The following MYT1 variants were observed in gnomAD, a reference collection of about 807,000 sequenced individuals.
MYT1 encodes the protein myelin transcription factor 1.
Under a neutral mutation model 123.0 loss-of-function variants are expected in MYT1, and 23 were observed. That is an observed-to-expected ratio of 0.19 (90% CI 0.13 to 0.26). The LOEUF (loss-of-function observed/expected upper bound fraction) is 0.26. Ranked by LOEUF, MYT1 falls within the 10% of genes least tolerant of loss-of-function variation. The pLI is 1.00. For missense variants in MYT1, 1,125 were observed against 1,472.5 expected (o/e 0.76, Z 3.86); for synonymous variants, 518 against 575.3 (o/e 0.90, Z 1.43).
intron 1 of MYT1, among the ~76,000 whole-genome samples, chr20:64,172,973 C>T (rs1303253191): frequency 2.6e-5 from 4 of 152,090 alleles, no homozygotes; most frequent in African/African-American, 9.7e-5. Context: ...AAGTGATCCA[C>T]CCACCTCGGC....
At position 64,205,643 on chromosome 20, in the gene MYT1, G is replaced by A. The variant is rs771168004; in HGVS notation, c.240G>A (p.Lys80=). The part of the protein sequence containing the change: ...LVSKRKSHPL[K]LALDEGYGVD... ...CCAAGAGGAAGTCACACCCCCTGAAGCTGGCTCTGGACGAGGGCTATGGTG... is the reference window on the plus strand; with the variant it reads ...CCAAGAGGAAGTCACACCCCCTGAAACTGGCTCTGGACGAGGGCTATGGTG... The change falls in exon 6 of 23, where the codon AAG becomes AAA. Residue 80 remains lysine, a synonymous_variant. Transcript: ENST00000328439. 1 of 1,614,252 alleles carries A rather than the reference G, an allele frequency of 6.2e-7. No individual in the cohort carries two copies. The highest frequency in any genetic ancestry group is 8.5e-7 in the Non-Finnish European group (1 of 1,180,044).
intron 3 of MYT1, among the ~76,000 whole-genome samples, 197 bp downstream of exon 3, chr20:64,199,113 A>C (rs1224323810): frequency 6.6e-6 from 1 of 152,252 alleles, no homozygotes; most frequent in Non-Finnish European, 1.5e-5. Flanking sequence ...TTTGGCCCAG[A>C]TGAACCTGCC....
At position 64,211,380 on chromosome 20, in the gene MYT1, T is replaced by C. The variant is rs753265343; in HGVS notation, c.1426+40T>C. 27 of 1,578,556 alleles carry C rather than the reference T, an allele frequency of 1.7e-5. No homozygotes were observed. In the East Asian group the frequency reaches 5.5e-4, roughly 32 times the overall value. On this transcript the variant is annotated intron_variant, in intron 8 of 22. Transcript: ENST00000328439. ...GCAGCGTTAGCCCTAACTGTGAAGC[T>C]CACGCTGCCTCTGTGGTGTTTGGGT...
At chr20:64,211,389 C>G (rs77929954) in intron 8 of MYT1, 49 bp downstream of exon 8, 1 of 1,566,888 alleles carries the variant, frequency 6.4e-7, no homozygotes, top group East Asian at 2.3e-5. Flanking sequence ...CTCACGCTGC[C>G]TCTGTGGTGT....
At chr20:64,207,205 T>C (rs942500118) in intron 6 of MYT1, among the ~76,000 whole-genome samples, 6 of 152,240 alleles carry the variant, frequency 3.9e-5, no homozygotes, top group African/African-American at 1.4e-4. Context: ...TTTTCAATTA[T>C]GAAACAATTA....
chr20:64,233,117 CT>C, intron 19 of MYT1, among the ~76,000 whole-genome samples: 1 of 139,506 alleles, frequency 7.2e-6, no homozygotes, highest in East Asian at 2.2e-4. Context: ...TTCCCTCCTC[CT>C]TCCCCTCCCT....
At chr20:64,184,498 A>T (rs1220984359) in intron 1 of MYT1, among the ~76,000 whole-genome samples, 1 of 152,156 alleles carries the variant, frequency 6.6e-6, no homozygotes, top group Non-Finnish European at 1.5e-5. Context: ...GCCCGTCCTG[A>T]TGCTAGTAAC....
rs749583456 is a variant in MYT1, at chr20:64,207,614, C to T, written c.418C>T (p.His140Tyr). ...TGCAGGAAGGAGCCCCGTCAAGTCC[C>T]ATTTTGGATCCAACCCCATCGGCAG... Reference protein sequence around the residue: ...TAEGRSPVKSHFGSNPIGSAT... With the variant: ...TAEGRSPVKSYFGSNPIGSAT... The change falls in exon 7 of 23, where the codon CAT becomes TAT. Residue 140 changes from histidine to tyrosine, a missense_variant. His to Tyr is a moderately conservative substitution (Grantham distance 83, BLOSUM62 2). Transcript: ENST00000328439. 6.2e-7 allele frequency: 1 copy of T among 1,613,520 alleles called. No individual in the cohort carries two copies. The highest frequency in any genetic ancestry group is 8.5e-7 in the Non-Finnish European group (1 of 1,179,814).
intron 4 of MYT1, among the ~76,000 whole-genome samples, chr20:64,201,583 C>T (rs957657423): frequency 3.9e-5 from 6 of 152,238 alleles, no homozygotes; most frequent in Admixed American, 6.5e-5. Context: ...GTTGGCCACA[C>T]GCTTCACGTG....
chr20:64,237,430 C>T lies in MYT1; in HGVS notation c.3093+40C>T, dbSNP rs1240125161. 4.1e-6 allele frequency: 6 copies of T among 1,472,948 alleles called. No individual in the cohort carries two copies. The African/African-American group carries it at 5.5e-5, about 14-fold the overall frequency. 91.2% of individuals were successfully genotyped at this position (1,472,948 alleles called of 1,614,324 possible). On this transcript the variant is annotated intron_variant, in intron 21 of 22. Coordinates refer to ENST00000328439, the MANE Select transcript of MYT1 (RefSeq NM_004535.3). Reference sequence around the variant, plus strand: ...CCCCCGCTCCTGGGCTCTTTGCCCACCCAACCCAAACATTCGTCTTGGGGA... The same window carrying T: ...CCCCCGCTCCTGGGCTCTTTGCCCATCCAACCCAAACATTCGTCTTGGGGA...
chr20:64,189,729 C>T lies in MYT1; in HGVS notation c.-98-334C>T, dbSNP rs559548406. On this transcript the variant is annotated intron_variant, in intron 1 of 22. Transcript: ENST00000328439. The surrounding 1 kb of genome is among the most constrained non-coding windows in gnomAD (Gnocchi z 5.5). Reference sequence around the variant, plus strand: ...TTTTCAAAGTTGGAGGGGTGACATGCCAAGTTTTCTCAAGGTGGCTCTCAG... The same window carrying T: ...TTTTCAAAGTTGGAGGGGTGACATGTCAAGTTTTCTCAAGGTGGCTCTCAG... Among the ~76,000 whole-genome samples the T allele has an allele frequency of 6.6e-6, 1 of 152,292 alleles. No individual in the cohort carries two copies. The highest frequency in any genetic ancestry group is 2.1e-4 in the South Asian group (1 of 4,826).
At position 64,212,188 on chromosome 20, in the gene MYT1, T is replaced by G. The variant is rs1274267939; in HGVS notation, c.1517+50T>G. On this transcript the variant is annotated intron_variant, in intron 9 of 22. Coordinates refer to ENST00000328439, the MANE Select transcript of MYT1 (RefSeq NM_004535.3). The surrounding 1 kb of genome is among the most constrained non-coding windows in gnomAD (Gnocchi z 6.8). Reference sequence around the variant, plus strand: ...GTGGGGGCCAGGGTGGGGGCCGTGGTGGGGGCCAGGGTGGGGGCCGTGGTG... The same window carrying G: ...GTGGGGGCCAGGGTGGGGGCCGTGGGGGGGGCCAGGGTGGGGGCCGTGGTG... 2 of 245,674 alleles carry G rather than the reference T, an allele frequency of 8.1e-6. No homozygotes were observed. The highest frequency in any genetic ancestry group is 1.3e-4 in the East Asian group (1 of 7,436). The allele number at this position is 245,674 out of a possible 1,614,324, so 15.2% of individuals were successfully genotyped here. A position where few individuals can be genotyped will look rare whatever the true frequency, so the allele number is the denominator to read the frequency against.
In MYT1 at chr20:64,218,813, T is replaced by C. The variant is rs185315942; in HGVS notation, c.1847-98T>C. 1 of 1,522,196 alleles carries C rather than the reference T, an allele frequency of 6.6e-7. No individual in the cohort carries two copies. The highest frequency in any genetic ancestry group is 9.0e-7 in the Non-Finnish European group (1 of 1,108,388). The allele number at this position is 1,522,196 out of a possible 1,614,324, so 94.3% of individuals were successfully genotyped here. On this transcript the variant is annotated intron_variant, in intron 11 of 22. Transcript: ENST00000328439. This position sits in a 1 kb window ranked among gnomAD's most constrained non-coding sequence, Gnocchi z 4.0. ...TTTCAAGTTGTATATCAGCCTGGTG[T>C]TGTTCCCTTTTTGCAGCCAAACCTT... is the stretch of plus-strand genomic sequence containing the variant.
At chr20:64,194,560 C>T (rs1333686468) in intron 2 of MYT1, among the ~76,000 whole-genome samples, 1 of 152,224 alleles carries the variant, frequency 6.6e-6, no homozygotes, top group Non-Finnish European at 1.5e-5. Flanking sequence ...TGGCCCTGGG[C>T]CATTGGTGCA....
rs1005783006 is a variant in MYT1, at chr20:64,222,314, C to T, written c.2396+267C>T. ...GCCAAGCTCACCAAGCAGGACAGAG[C>T]AGGGCAGGGGCAGAGTGGAGGAGAG... is the stretch of plus-strand genomic sequence containing the variant. On this transcript the variant is annotated intron_variant, in intron 14 of 22. Coordinates refer to ENST00000328439, the MANE Select transcript of MYT1 (RefSeq NM_004535.3). Among the ~76,000 whole-genome samples, 5 of 152,230 alleles carry T rather than the reference C, an allele frequency of 3.3e-5. No homozygotes were observed. In the South Asian group the frequency reaches 1.0e-3, roughly 31 times the overall value.
chr20:64,207,572 C>A (rs370606910), intron 6 of MYT1, 22 bp from the exon 7 acceptor site: 8 of 1,602,630 alleles, frequency 5.0e-6, no homozygotes, highest in South Asian at 1.1e-5. Flanking sequence ...CTGGCCCCCA[C>A]GTTGATTTTG....
chr20:64,223,748 G>A (rs959415261), intron 16 of MYT1, among the ~76,000 whole-genome samples: 5 of 152,166 alleles, frequency 3.3e-5, no homozygotes, highest in East Asian at 3.9e-4. Context: ...AAGCCCTGCC[G>A]TGGCTCGGCA....
intron 1 of MYT1, among the ~76,000 whole-genome samples, chr20:64,177,451 C>T (rs1351762373): frequency 6.6e-6 from 1 of 151,970 alleles, no homozygotes; most frequent in Non-Finnish European, 1.5e-5. Context: ...GTGTTTCCTG[C>T]CAGTGTTTCC....
Position 64,218,830 on chromosome 20 carries a change from C to T in MYT1, c.1847-81C>T. The T allele has an allele frequency of 6.3e-7, 1 of 1,597,234 alleles. No individual in the cohort carries two copies. The highest frequency in any genetic ancestry group is 8.5e-7 in the Non-Finnish European group (1 of 1,171,660). On this transcript the variant is annotated intron_variant, in intron 11 of 22. Coordinates refer to ENST00000328439, the MANE Select transcript of MYT1 (RefSeq NM_004535.3). The surrounding 1 kb of genome is among the most constrained non-coding windows in gnomAD (Gnocchi z 4.0). ...GCCTGGTGTTGTTCCCTTTTTGCAG[C>T]CAAACCTTTCCCAAAGGCCTCTTCC...
Sources: allele counts gnomAD v4.1 joint callset (sites outside exome capture counted in the v4.1 genomes callset), GRCh38; gene constraint gnomAD v4.1.1; non-coding constraint Gnocchi (gnomAD v3.1); transcripts MANE v1.5; gene names NCBI Gene and HGNC (gene_info 2026-07-23, HGNC 2026-07-21).